HIP1R: variants seen among roughly 807,000 people sequenced by gnomAD.
The protein encoded by HIP1R is huntingtin interacting protein 1 related.
HIP1R carries 135 observed loss-of-function variants against 144.2 expected under a neutral mutation model. That is an observed-to-expected ratio of 0.94 (90% confidence interval 0.81 to 1.08). The LOEUF (loss-of-function observed/expected upper bound fraction) is 1.08, where lower values mean the gene tolerates loss of function less well. HIP1R is among the 50% of genes least tolerant of loss of function. The pLI, the probability that HIP1R is intolerant of heterozygous loss-of-function variation, is 0.00. For missense variants in HIP1R, 1,462 were observed against 1,432.8 expected, an observed-to-expected ratio of 1.02 and a Z score of -0.33; for synonymous variants, 698 against 612.8, an observed-to-expected ratio of 1.14 and a Z score of -2.05.
At chr12:122,854,293 G>A in intron 8 of HIP1R, 110 bp downstream of exon 8, 1 of 856,832 alleles carries the variant, frequency 1.2e-6, no homozygotes, top group Non-Finnish European at 1.7e-6. Flanking sequence ...TTTAAAAATG[G>A]CAGTAATAAA....
At position 122,861,327 on chromosome 12, in the gene HIP1R, AGAAGACGCTGGAGGC is replaced by A; in HGVS notation, c.2973_2987del (p.Glu991_Ala996delinsAsp). 1 of 1,613,492 alleles carries A rather than the reference AGAAGACGCTGGAGGC, an allele frequency of 6.2e-7. No individual in the cohort carries two copies. Among genetic ancestry groups the A allele is most frequent in the East Asian group, 2.2e-5 (1 of 44,854 alleles). On this transcript the variant is annotated inframe_deletion, in exon 31 of 32. Coordinates refer to ENST00000253083, the MANE Select transcript of HIP1R (RefSeq NM_003959.3). ...CTACAGGTGCGTGTCCTGGAGCTGG[AGAAGACGCTGGAGGC>A]TGAACGCATGCGGCTGGGGGAGTTG...
rs1192541210 is a variant in HIP1R, at chr12:122,862,857, CAGG to C, written c.*1110_*1112del. The stretch of plus-strand genomic sequence containing the variant: ...AAGGCTACCAAATACTGGCCAAGGT[CAGG>C]AGGAGCAAAAATGAGCCAGCACCAG... On this transcript the variant is annotated 3_prime_UTR_variant, in exon 32 of 32. Transcript: ENST00000253083. The C allele has an allele frequency of 3.9e-5, 6 of 152,148 alleles. No homozygotes were observed. The highest frequency in any genetic ancestry group is 1.3e-4 in the Admixed American group (2 of 15,286). The allele number at this position is 152,148 out of a possible 1,614,324, so 9.4% of individuals were successfully genotyped here. A position where few individuals can be genotyped will look rare whatever the true frequency, so the allele number is the denominator to read the frequency against.
Position 122,855,967 on chromosome 12 carries a change from C to T in HIP1R, c.1129-13C>T, listed in dbSNP as rs1185447654. 3.8e-6 allele frequency: 6 copies of T among 1,577,714 alleles called. No individual in the cohort carries two copies. The Admixed American group carries it at 5.5e-5, about 15-fold the overall frequency. ...GGCCCAGGCAGGGCCCCACGTCACACCTCCTCCCGCAGGCCCAGCGGTACA... is the reference window on the plus strand; with the variant it reads ...GGCCCAGGCAGGGCCCCACGTCACATCTCCTCCCGCAGGCCCAGCGGTACA... On this transcript the variant is annotated splice_polypyrimidine_tract_variant and intron_variant, in intron 13 of 31. Coordinates refer to ENST00000253083, the MANE Select transcript of HIP1R (RefSeq NM_003959.3).
intron 8 of HIP1R, 23 bp from the exon 9 acceptor site, chr12:122,854,882 G>A (rs1368144829): frequency 3.1e-6 from 5 of 1,611,316 alleles, no homozygotes; most frequent in East Asian, 4.5e-5. Flanking sequence ...GAGAAGTCCT[G>A]TTACACTTGT....
intron 1 of HIP1R, among the ~76,000 whole-genome samples, chr12:122,838,443 G>A (rs975745922): frequency 1.3e-5 from 2 of 152,084 alleles, no homozygotes; most frequent in Admixed American, 1.3e-4. Flanking sequence ...AACACTGCCT[G>A]TACCATTTAA....
chr12:122,843,672 A>G (rs1454586230), intron 1 of HIP1R, among the ~76,000 whole-genome samples: 1 of 152,008 alleles, frequency 6.6e-6, no homozygotes, highest in Non-Finnish European at 1.5e-5. Context: ...GAGAGTTGTG[A>G]GCAGGTGGCC....
At chr12:122,853,784 G>C (rs1206904319) in intron 7 of HIP1R, 1 of 394,956 alleles carries the variant, frequency 2.5e-6, no homozygotes. Flanking sequence ...GGGCTCCCAG[G>C]TGGAGGTCTC....
chr12:122,860,911 C>T lies in HIP1R; in HGVS notation c.2767-5C>T, dbSNP rs1375035210. Reference sequence around the variant, plus strand: ...CTGGGCCCACCCTGACCTCTCGCCCCTCAGGTGAAGGCCAACAAGCACAGC... The same window carrying T: ...CTGGGCCCACCCTGACCTCTCGCCCTTCAGGTGAAGGCCAACAAGCACAGC... On this transcript the variant is annotated splice_region_variant and splice_polypyrimidine_tract_variant and intron_variant, in intron 28 of 31. Transcript: ENST00000253083. 6.2e-7 allele frequency: 1 copy of T among 1,609,756 alleles called. No homozygotes were observed. Among genetic ancestry groups the T allele is most frequent in the African/African-American group, 1.3e-5 (1 of 74,844 alleles).
intron 8 of HIP1R, among the ~76,000 whole-genome samples, 170 bp downstream of exon 8, chr12:122,854,353 A>C (rs1448796594): frequency 1.3e-5 from 2 of 151,786 alleles, no homozygotes; most frequent in Non-Finnish European, 2.9e-5. Context: ...AAAAAAAAAA[A>C]AAAAACCCAC....
At chr12:122,861,234 T>C in intron 30 of HIP1R, 42 bp downstream of exon 30, 1 of 1,612,856 alleles carries the variant, frequency 6.2e-7, no homozygotes, top group Non-Finnish European at 8.5e-7. Context: ...AGCTCATCCC[T>C]CGGGCGAAGC....
rs754754786 is a variant in HIP1R at position 122,860,662 on chromosome 12, T to TGGCCCTTGACC, written c.2661-16_2661-6dup. The TGGCCCTTGACC allele has an allele frequency of 1.9e-5, 31 of 1,608,504 alleles. No homozygotes were observed. The highest frequency in any genetic ancestry group is 1.6e-4 in the African/African-American group (12 of 74,816). ...TGGGGTCAGAGACCCTGGCCCTGAC[T>TGGCCCTTGACC]GGCCCTTGACCCGCAGGGAGGCAGC... On this transcript the variant is annotated splice_polypyrimidine_tract_variant and intron_variant, in intron 27 of 31. Transcript: ENST00000253083.
Position 122,850,879 on chromosome 12 carries a change from G to A in HIP1R, c.483G>A (p.Leu161=), listed in dbSNP as rs1390900625. The change falls in exon 6 of 32, where the codon CTG becomes CTA. Residue 161 remains leucine, a synonymous_variant. Transcript: ENST00000253083. The part of the protein sequence containing the change: ...PAGLEVTDEV[L]EKAAGTDVNN... ...GCCTGGAGGTGACAGATGAGGTACT[G>A]GAGAAGGCAGCTGGGACCGATGTCA... is the stretch of plus-strand genomic sequence containing the variant. 7 of 1,611,248 alleles carry A rather than the reference G, an allele frequency of 4.3e-6. No homozygotes were observed. The highest frequency in any genetic ancestry group is 4.5e-5 in the East Asian group (2 of 44,652).
In HIP1R at chr12:122,847,962, C is replaced by T. The variant is rs964009217; in HGVS notation, c.94-69C>T. The T allele has an allele frequency of 4.8e-6, 7 of 1,449,496 alleles. No individual in the cohort carries two copies. The African/African-American group carries it at 7.0e-5, about 14-fold the overall frequency. The allele number at this position is 1,449,496 out of a possible 1,614,324, so 89.8% of individuals were successfully genotyped here. A position where few individuals can be genotyped will look rare whatever the true frequency, so the allele number is the denominator to read the frequency against. ...GAATCCTGTTCAGTATTGTGCTTCTCCCCCTTGGGGTGGTGTCTCCTGGGG... is the reference window on the plus strand; with the variant it reads ...GAATCCTGTTCAGTATTGTGCTTCTTCCCCTTGGGGTGGTGTCTCCTGGGG... On this transcript the variant is annotated intron_variant, in intron 1 of 31. Transcript: ENST00000253083.
intron 7 of HIP1R, among the ~76,000 whole-genome samples, chr12:122,852,165 A>G (rs983637449): frequency 6.6e-6 from 1 of 152,172 alleles, no homozygotes; most frequent in African/African-American, 2.4e-5. Context: ...TTAAGGGAAA[A>G]TTGGGAGTTA....
At chr12:122,839,523 C>T (rs1396316283) in intron 1 of HIP1R, among the ~76,000 whole-genome samples, 1 of 152,206 alleles carries the variant, frequency 6.6e-6, no homozygotes, top group Non-Finnish European at 1.5e-5. Context: ...GACATACATG[C>T]TTAGCATCCC....
chr12:122,859,347 G>T, intron 22 of HIP1R, 79 bp from the exon 23 acceptor site: 1 of 1,489,796 alleles, frequency 6.7e-7, no homozygotes, highest in South Asian at 1.2e-5. Flanking sequence ...GATCCCTGTG[G>T]TCCCCAACCT....
At chr12:122,839,865 C>T (rs533637231) in intron 1 of HIP1R, among the ~76,000 whole-genome samples, 4 of 152,356 alleles carry the variant, frequency 2.6e-5, no homozygotes, top group Non-Finnish European at 5.9e-5. Context: ...TCAGTCTGGA[C>T]TCACCACCTT....
chr12:122,844,547 G>A (rs1029943218), intron 1 of HIP1R, among the ~76,000 whole-genome samples: 3 of 152,168 alleles, frequency 2.0e-5, no homozygotes, highest in Non-Finnish European at 4.4e-5. Context: ...CTCTCATGCT[G>A]CACATTATCA....
intron 3 of HIP1R, 78 bp downstream of exon 3, chr12:122,848,686 G>A (rs1355350314): frequency 1.2e-4 from 186 of 1,593,938 alleles, no homozygotes; most frequent in Non-Finnish European, 1.5e-4. Context: ...CCCTGTTCCT[G>A]TCCCCGTAGC....
Sources: allele counts gnomAD v4.1 joint callset (sites outside exome capture counted in the v4.1 genomes callset), GRCh38; gene constraint gnomAD v4.1.1; transcripts MANE v1.5; gene names NCBI Gene and HGNC (gene_info 2026-07-23, HGNC 2026-07-21).